The following PLCZ1 variants were observed in gnomAD, a reference collection of about 807,000 sequenced individuals.
The protein encoded by PLCZ1 is phospholipase C zeta 1.
A neutral mutation model predicts 76.8 loss-of-function variants in PLCZ1; 64 were observed. That is an observed-to-expected ratio of 0.83 (90% CI 0.68 to 1.03). The LOEUF is 1.03. PLCZ1 is among the 50% of genes least tolerant of loss of function. The pLI, the probability that PLCZ1 is intolerant of heterozygous loss-of-function variation, is 0.00. For missense variants in PLCZ1, 751 were observed against 713.7 expected (o/e 1.05, Z -0.60); for synonymous variants, 248 against 230.8 (o/e 1.07, Z -0.68).
the PLCZ1 span, among the ~76,000 whole-genome samples, chr12:18,660,197 T>A: frequency 2.0e-5 from 3 of 152,130 alleles, no homozygotes; most frequent in Admixed American, 2.0e-4. Flanking sequence ...AGCTCTTAAC[T>A]CAGCAGTGGC....
rs61912348 is a variant in PLCZ1, at chr12:18,710,935, T to G, written c.714+1907A>C. 6.4e-4 allele frequency among the ~76,000 whole-genome samples: 98 copies of G among 152,054 alleles called. No individual in the cohort carries two copies. In the Middle Eastern group the frequency reaches 0.01, roughly 16 times the overall value. On this transcript the variant is annotated intron_variant, in intron 6 of 14. Coordinates refer to ENST00000266505, the MANE Select transcript of PLCZ1 (RefSeq NM_033123.4). The stretch of plus-strand genomic sequence containing the variant: ...ATAGGAACACTTTTACACTGTTGGT[T>G]GGACTGTAAACTAGTTCAACCATTG...
intron 3 of PLCZ1, among the ~76,000 whole-genome samples, chr12:18,733,911 T>C (rs76203162): frequency 1.3e-3 from 191 of 152,310 alleles, no homozygotes; most frequent in African/African-American, 4.5e-3. Context: ...TGCCTCCACC[T>C]TTATATTTCT....
At chr12:18,662,399 C>A in the PLCZ1 span, among the ~76,000 whole-genome samples, 1 of 151,628 alleles carries the variant, frequency 6.6e-6, no homozygotes, top group Admixed American at 6.6e-5. Context: ...TTTTGTTTAT[C>A]CCAGATAAAC....
chr12:18,678,398 C>T (rs1470732832), downstream of PLCZ1, among the ~76,000 whole-genome samples: 1 of 151,964 alleles, frequency 6.6e-6, no homozygotes, highest in Non-Finnish European at 1.5e-5. Flanking sequence ...TTGAAGTATA[C>T]AATTTGATTC....
chr12:18,701,638 C>A (rs895967500), intron 8 of PLCZ1, 54 bp downstream of exon 8: 1 of 1,599,248 alleles, frequency 6.3e-7, no homozygotes, highest in Non-Finnish European at 8.5e-7. Flanking sequence ...TCCTCCTCCT[C>A]CTCCTCCTCC....
At chr12:18,662,343 A>G in the PLCZ1 span, among the ~76,000 whole-genome samples, 1 of 152,174 alleles carries the variant, frequency 6.6e-6, no homozygotes, top group African/African-American at 2.4e-5. Flanking sequence ...AAAAAACACA[A>G]AATTGAGGGA....
At chr12:18,691,501 A>G (rs1954078719) in intron 12 of PLCZ1, among the ~76,000 whole-genome samples, 1 of 152,280 alleles carries the variant, frequency 6.6e-6, no homozygotes, top group South Asian at 2.1e-4. Flanking sequence ...ACTTTAGTTA[A>G]CATAAATATC....
At chr12:18,681,825 G>A (rs1239105535), downstream of PLCZ1, among the ~76,000 whole-genome samples, 4 of 151,930 alleles carry the variant, frequency 2.6e-5, no homozygotes. Context: ...AAGCTTGATG[G>A]TATAAATGAG....
intron 2 of PLCZ1, among the ~76,000 whole-genome samples, chr12:18,736,987 A>C (rs556031786): frequency 6.6e-6 from 1 of 152,316 alleles, no homozygotes; most frequent in Non-Finnish European, 1.5e-5. Context: ...TATCATAGAT[A>C]AACTACAAAA....
At chr12:18,654,836 G>A in the PLCZ1 span, among the ~76,000 whole-genome samples, 2 of 152,136 alleles carry the variant, frequency 1.3e-5, no homozygotes, top group Admixed American at 1.3e-4. Flanking sequence ...CTCTCTTAAT[G>A]TGGGACATTC....
the PLCZ1 span, chr12:18,648,531 T>C: frequency 5.8e-6 from 1 of 170,998 alleles, no homozygotes; most frequent in African/African-American, 2.4e-5. Flanking sequence ...TATATTATTT[T>C]CTATCAGAAA....
chr12:18,717,996 G>C (rs1312532142), intron 5 of PLCZ1, among the ~76,000 whole-genome samples: 1 of 152,106 alleles, frequency 6.6e-6, no homozygotes, highest in African/African-American at 2.4e-5. Flanking sequence ...TCAGCCACAT[G>C]ATCACAAGGG....
At chr12:18,658,694 A>G in the PLCZ1 span, among the ~76,000 whole-genome samples, 2 of 152,272 alleles carry the variant, frequency 1.3e-5, no homozygotes, top group South Asian at 2.1e-4. Context: ...AACTTTAAGT[A>G]TTTGGAATAG....
chr12:18,661,764 T>C, the PLCZ1 span, among the ~76,000 whole-genome samples: 9 of 152,170 alleles, frequency 5.9e-5, no homozygotes, highest in African/African-American at 7.2e-5. Flanking sequence ...AGAACTACCA[T>C]TGACCCAGCA....
intron 7 of PLCZ1, among the ~76,000 whole-genome samples, chr12:18,702,540 C>T (rs1268424092): frequency 2.6e-5 from 4 of 152,134 alleles, no homozygotes; most frequent in Non-Finnish European, 4.4e-5. Flanking sequence ...CTTTTGTCAT[C>T]CTCAGGCATC....
At chr12:18,707,927 C>G (rs573797883) in intron 6 of PLCZ1, among the ~76,000 whole-genome samples, 17 of 152,072 alleles carry the variant, frequency 1.1e-4, no homozygotes, top group Admixed American at 3.3e-4. Context: ...ATGGAACACA[C>G]GTAGATAGTA....
At chr12:18,680,867 A>G (rs1403412204), downstream of PLCZ1, among the ~76,000 whole-genome samples, 2 of 152,092 alleles carry the variant, frequency 1.3e-5, no homozygotes, top group Non-Finnish European at 2.9e-5. Flanking sequence ...GTCGTCAAGA[A>G]CAGGGGTCAA....
chr12:18,706,329 A>G (rs1328366391), intron 6 of PLCZ1, among the ~76,000 whole-genome samples: 3 of 152,110 alleles, frequency 2.0e-5, no homozygotes, highest in African/African-American at 7.2e-5. Flanking sequence ...AGTTACCAAA[A>G]AGTAGCATGC....
chr12:18,712,047 G>A (rs1957406426), intron 6 of PLCZ1, among the ~76,000 whole-genome samples: 1 of 152,008 alleles, frequency 6.6e-6, no homozygotes, highest in African/African-American at 2.4e-5. Context: ...TGACATAGGA[G>A]AACTTTATTA....
Sources: allele counts gnomAD v4.1 joint callset (sites outside exome capture counted in the v4.1 genomes callset), GRCh38; gene constraint gnomAD v4.1.1; transcripts MANE v1.5; gene names NCBI Gene and HGNC (gene_info 2026-07-23, HGNC 2026-07-21).